Variants in RAD51B observed in about 807,000 individuals in gnomAD.
The protein encoded by RAD51B is RAD51 paralog B.
In RAD51B, 38 loss-of-function variants were observed where a neutral mutation model predicts 42.2. The observed-to-expected ratio is 0.90, with a 90% CI of 0.70 to 1.18. The LOEUF is 1.18. Among genes scored for constraint, RAD51B ranks in the 50% most tolerant of loss-of-function variants. The pLI, the probability that RAD51B is intolerant of heterozygous loss-of-function variation, is 0.00. For missense variants in RAD51B, 373 were observed against 400.7 expected, an observed-to-expected ratio of 0.93 and a Z score of 0.59; for synonymous variants, 154 against 145.2, an observed-to-expected ratio of 1.06 and a Z score of -0.43.
chr14:67,830,369 G>A (rs1489778358), intron 3 of RAD51B, among the ~76,000 whole-genome samples: 1 of 152,024 alleles, frequency 6.6e-6, no homozygotes, highest in Admixed American at 6.6e-5. Flanking sequence ...AGAGGTTATA[G>A]TGTTGATTAA....
At chr14:67,834,178 C>T (rs2041152051) in intron 3 of RAD51B, among the ~76,000 whole-genome samples, 1 of 152,056 alleles carries the variant, frequency 6.6e-6, no homozygotes, top group African/African-American at 2.4e-5. Flanking sequence ...GTGGCTGCTT[C>T]TCTCTCTATA....
Position 68,411,488 on chromosome 14 carries a change from C to T in RAD51B, c.918C>T (p.Thr306=), listed in dbSNP as rs2140082900. The T allele has an allele frequency of 6.2e-7, 1 of 1,614,046 alleles. No homozygotes were observed. The highest frequency in any genetic ancestry group is 8.5e-7 in the Non-Finnish European group (1 of 1,179,976). ...ATACCTGGAGTCACAGTGTGAATAC[C>T]CGGCTGATCCTCCAGTACCTTGATT... The part of the protein sequence containing the change: ...LGNTWSHSVN[T]RLILQYLDSE... Residue 306 remains threonine, a synonymous_variant, in exon 9 of 11, where the codon ACC becomes ACT. Transcript: ENST00000471583.
intron 7 of RAD51B, among the ~76,000 whole-genome samples, chr14:68,143,226 G>T (rs1291149878): frequency 6.6e-6 from 1 of 152,204 alleles, no homozygotes; most frequent in East Asian, 1.9e-4. Flanking sequence ...GTCTGATCAG[G>T]CTGGGTTAGA....
At chr14:68,640,198 C>T (rs1219411257) in intron 10 of RAD51B, among the ~76,000 whole-genome samples, 1 of 150,028 alleles carries the variant, frequency 6.7e-6, no homozygotes, top group African/African-American at 2.4e-5. Flanking sequence ...ATTAGCTTTA[C>T]CTCCAAACAC....
At chr14:68,506,576 C>T (rs1885340407) in intron 10 of RAD51B, among the ~76,000 whole-genome samples, 1 of 152,248 alleles carries the variant, frequency 6.6e-6, no homozygotes, top group Non-Finnish European at 1.5e-5. Context: ...GGAATATAAA[C>T]ATCCTTGGCT....
At chr14:68,369,699 C>G (rs531533514) in intron 8 of RAD51B, among the ~76,000 whole-genome samples, 1 of 152,154 alleles carries the variant, frequency 6.6e-6, no homozygotes, top group Non-Finnish European at 1.5e-5. Flanking sequence ...CATTCCAGAG[C>G]CTCTTGTGTT....
At chr14:68,307,908 G>T (rs117249769) in intron 8 of RAD51B, among the ~76,000 whole-genome samples, 38 of 152,228 alleles carry the variant, frequency 2.5e-4, no homozygotes, top group Non-Finnish European at 3.1e-4. Context: ...TCATATTCAC[G>T]ATTGAGGCTC....
intron 7 of RAD51B, among the ~76,000 whole-genome samples, chr14:68,247,745 A>G (rs566118294): frequency 6.6e-6 from 1 of 152,336 alleles, no homozygotes; most frequent in African/African-American, 2.4e-5. Flanking sequence ...ACATACTTGC[A>G]CATTTTCCTA....
chr14:68,676,388 T>G (rs1050158953), intron 11 of RAD51B, among the ~76,000 whole-genome samples: 4 of 152,150 alleles, frequency 2.6e-5, no homozygotes, highest in Non-Finnish European at 5.9e-5. Context: ...AGTGGCTGCA[T>G]TTGGTTTGGG....
intron 10 of RAD51B, chr14:68,470,615 A>G: frequency 7.9e-6 from 4 of 507,046 alleles, no homozygotes; most frequent in South Asian, 3.2e-5. Context: ...AATCACAACC[A>G]GCATTTGAAA....
chr14:68,458,116 T>C (rs2085750211), intron 9 of RAD51B, among the ~76,000 whole-genome samples: 1 of 152,208 alleles, frequency 6.6e-6, no homozygotes, highest in African/African-American at 2.4e-5. Flanking sequence ...GATGGGTTGA[T>C]AGATAAATAG....
At chr14:68,458,817 G>A (rs1310464215) in intron 9 of RAD51B, among the ~76,000 whole-genome samples, 1 of 152,086 alleles carries the variant, frequency 6.6e-6, no homozygotes, top group Non-Finnish European at 1.5e-5. Flanking sequence ...ATTCATGCCT[G>A]CTCAAATACA....
intron 7 of RAD51B, among the ~76,000 whole-genome samples, chr14:68,056,915 C>T (rs1286370796): frequency 1.3e-5 from 2 of 151,942 alleles, no homozygotes; most frequent in African/African-American, 2.4e-5. Context: ...TGGTGAAACC[C>T]TGTCTCTACT....
At chr14:67,862,284 TAAAAC>T (rs2042188532) in intron 4 of RAD51B, among the ~76,000 whole-genome samples, 1 of 152,002 alleles carries the variant, frequency 6.6e-6, no homozygotes, top group African/African-American at 2.4e-5. Context: ...TTAAAAATAT[TAAAAC>T]AAGCAAAACC....
At chr14:67,877,340 A>G (rs61214213) in intron 5 of RAD51B, among the ~76,000 whole-genome samples, 2,575 of 152,250 alleles carry the variant, frequency 0.017, 77 homozygotes, top group African/African-American at 0.058. Flanking sequence ...TGATTTGCCC[A>G]AGATCATATG....
intron 7 of RAD51B, among the ~76,000 whole-genome samples, chr14:68,243,034 T>C (rs2080424823): frequency 6.6e-6 from 1 of 152,236 alleles, no homozygotes; most frequent in South Asian, 2.1e-4. Context: ...TTTTAATGTA[T>C]ACTATACTAC....
chr14:68,383,879 A>AT (rs887716202), intron 8 of RAD51B, among the ~76,000 whole-genome samples: 3 of 152,126 alleles, frequency 2.0e-5, no homozygotes, highest in Non-Finnish European at 4.4e-5. Context: ...AACACTGGTT[A>AT]TTTTCTCCTT....
intron 7 of RAD51B, among the ~76,000 whole-genome samples, chr14:67,897,642 C>T (rs138272467): frequency 1.0e-3 from 157 of 150,910 alleles, no homozygotes; most frequent in African/African-American, 3.6e-3. Context: ...AAAAGAGAAC[C>T]CTTGTTCACT....
At chr14:68,682,931 G>GT in intron 11 of RAD51B, 3 of 241,904 alleles carry the variant, frequency 1.2e-5, no homozygotes, top group Non-Finnish European at 1.4e-5. Context: ...TTTTTTTTTT[G>GT]TATAGGGCAG....
Sources: allele counts gnomAD v4.1 joint callset (sites outside exome capture counted in the v4.1 genomes callset), GRCh38; gene constraint gnomAD v4.1.1; transcripts MANE v1.5; gene names NCBI Gene and HGNC (gene_info 2026-07-23, HGNC 2026-07-21).